Variants in ARHGEF1 observed in about 807,000 individuals in gnomAD.
ARHGEF1 encodes Rho guanine nucleotide exchange factor 1, also known as 115 kDa guanine nucleotide exchange factor.
In ARHGEF1, 40 loss-of-function variants were observed where a neutral mutation model predicts 119.7. The ratio of observed to expected loss-of-function variants is 0.33; its 90% CI spans 0.26 to 0.44. ARHGEF1 has a LOEUF of 0.44. Ranked by LOEUF, ARHGEF1 falls within the 20% of genes least tolerant of loss-of-function variation. The pLI, the probability that ARHGEF1 is intolerant of heterozygous loss-of-function variation, is 1.00. For synonymous variants in ARHGEF1, 494 were observed against 521.0 expected, an observed-to-expected ratio of 0.95 and a Z score of 0.71; for missense variants, 976 against 1,268.3, an observed-to-expected ratio of 0.77 and a Z score of 3.50.
rs1169499294 is a variant in ARHGEF1, at chr19:41,892,213, G to A, written c.324+90G>A. On this transcript the variant is annotated intron_variant, in intron 5 of 28. Transcript: ENST00000354532. The surrounding 1 kb of genome is among the most constrained non-coding windows in gnomAD (Gnocchi z 6.3). ...GTCCCCAGCCTCTGCCCTGAGGGCA[G>A]CTGCTGACCCAGGCCTTCCCCAGCA... 1.7e-5 allele frequency: 27 copies of A among 1,563,228 alleles called. No individual in the cohort carries two copies. The highest frequency in any genetic ancestry group is 2.4e-5 in the Non-Finnish European group (27 of 1,139,516).
At chr19:41,915,145 A>G in intron 18 of ARHGEF1, among the ~76,000 whole-genome samples, 1 of 14,212 alleles carries the variant, frequency 7.0e-5, no homozygotes, top group African/African-American at 3.2e-4. Context: ...CCCACCCCCT[A>G]TTGGCCCCTC....
At chr19:41,925,594 T>G (rs1555853186) in intron 1 of ARHGEF1, among the ~76,000 whole-genome samples, 1 of 151,746 alleles carries the variant, frequency 6.6e-6, no homozygotes. Flanking sequence ...GGGAAAGCCA[T>G]GAGGAGGGTA....
In ARHGEF1 at chr19:41,914,854, C is replaced by T. The variant is rs183644443; in HGVS notation, c.1865+8051C>T. 1.9e-3 allele frequency among the ~76,000 whole-genome samples: 29 copies of T among 14,892 alleles called. 10 individuals carry two copies. The highest frequency in any genetic ancestry group is 3.9e-3 in the African/African-American group (10 of 2,546). The allele number at this position is 14,892 out of a possible 152,430, so 9.8% of individuals were successfully genotyped here. On this transcript the variant is annotated intron_variant, in intron 18 of 20. Transcript: ENST00000599589. ...CCTTTCCACCGTCTCTGTCTCTCCC[C>T]CCCTCCACCATCTCTGTCTCTCCCT... is the stretch of plus-strand genomic sequence containing the variant.
Position 41,906,837 on chromosome 19 carries a change from C to A in ARHGEF1, c.*17+34C>A. On this transcript the variant is annotated intron_variant, in intron 28 of 28. Coordinates refer to ENST00000354532, the MANE Select transcript of ARHGEF1 (RefSeq NM_004706.4). The surrounding 1 kb of genome is among the most constrained non-coding windows in gnomAD (Gnocchi z 4.5). ...GGCACCTGGGGGCCAGGGCGCTGTC[C>A]TGAAAGGAGGGTCCCCCTCCAGAGC... is the stretch of plus-strand genomic sequence containing the variant. 1 of 1,527,798 alleles carries A rather than the reference C, an allele frequency of 6.5e-7. No individual in the cohort carries two copies. The highest frequency in any genetic ancestry group is 1.2e-5 in the South Asian group (1 of 82,368). The allele number at this position is 1,527,798 out of a possible 1,614,324, so 94.6% of individuals were successfully genotyped here.
At chr19:41,895,910 C>T (rs781862766) in intron 12 of ARHGEF1, among the ~76,000 whole-genome samples, 2 of 152,030 alleles carry the variant, frequency 1.3e-5, no homozygotes, top group Non-Finnish European at 2.9e-5. Flanking sequence ...TCTGCATGGC[C>T]AGGCCAGGGC....
At chr19:41,915,509 G>A (rs2074795525) in intron 18 of ARHGEF1, among the ~76,000 whole-genome samples, 1 of 151,560 alleles carries the variant, frequency 6.6e-6, no homozygotes, top group Admixed American at 6.6e-5. Flanking sequence ...CATGTCTCTG[G>A]GTCTCCACAT....
chr19:41,893,162 C>A, intron 7 of ARHGEF1, 112 bp from the exon 8 acceptor site: 1 of 1,436,834 alleles, frequency 7.0e-7, no homozygotes, highest in Non-Finnish European at 9.6e-7. Context: ...TGTCCCCTCT[C>A]TGTCTCTCTT....
At chr19:41,897,725 C>T in intron 13 of ARHGEF1, 1 of 461,300 alleles carries the variant, frequency 2.2e-6, no homozygotes, top group Non-Finnish European at 3.7e-6. Flanking sequence ...TGGTCTCTCC[C>T]TGTCTCTGTC....
At chr19:41,885,522 C>T (rs1161788799) in intron 1 of ARHGEF1, among the ~76,000 whole-genome samples, 2 of 152,296 alleles carry the variant, frequency 1.3e-5, no homozygotes, top group South Asian at 2.1e-4. Context: ...AGTGCAGTGG[C>T]GCGATCTCAG....
intron 1 of ARHGEF1, 133 bp from the exon 2 acceptor site, chr19:41,887,931 C>A: frequency 3.0e-6 from 3 of 1,016,308 alleles, no homozygotes; most frequent in Non-Finnish European, 2.8e-6. Flanking sequence ...CACACAGAGG[C>A]CCCATTGAGC....
At chr19:41,928,063 C>A (rs975483586) in intron 1 of ARHGEF1, 2 of 152,188 alleles carry the variant, frequency 1.3e-5, no homozygotes, top group Admixed American at 6.5e-5. Context: ...CGCATCCGCT[C>A]CGGTCCGGGG....
Position 41,902,186 on chromosome 19 carries a change from T to C in ARHGEF1, c.1415-88T>C. Reference sequence around the variant, plus strand: ...CCCGAGGATCAGACACAGACACACCTGCAGCCCTACCCCCACCACACCGCA... The same window carrying C: ...CCCGAGGATCAGACACAGACACACCCGCAGCCCTACCCCCACCACACCGCA... On this transcript the variant is annotated intron_variant, in intron 15 of 28. Transcript: ENST00000354532. This position sits in a 1 kb window ranked among gnomAD's most constrained non-coding sequence, Gnocchi z 6.5. 1 of 1,570,836 alleles carries C rather than the reference T, an allele frequency of 6.4e-7. No homozygotes were observed. The highest frequency in any genetic ancestry group is 8.7e-7 in the Non-Finnish European group (1 of 1,146,712).
chr19:41,892,256 G>A lies in ARHGEF1; in HGVS notation c.325-75G>A. ...CCCCAGCACCCTCGCTTAGACCAGG[G>A]TTCCTGGCAGTCCTCCCGGCCTGCA... On this transcript the variant is annotated intron_variant, in intron 5 of 28. Coordinates refer to ENST00000354532, the MANE Select transcript of ARHGEF1 (RefSeq NM_004706.4). The surrounding 1 kb of genome is among the most constrained non-coding windows in gnomAD (Gnocchi z 6.3). 4.4e-6 allele frequency: 7 copies of A among 1,598,932 alleles called. No homozygotes were observed. The highest frequency in any genetic ancestry group is 6.0e-6 in the Non-Finnish European group (7 of 1,169,036).
Position 41,902,433 on chromosome 19 carries a change from T to C in ARHGEF1, c.1497+77T>C. On this transcript the variant is annotated intron_variant, in intron 16 of 28. Coordinates refer to ENST00000354532, the MANE Select transcript of ARHGEF1 (RefSeq NM_004706.4). The surrounding 1 kb of genome is among the most constrained non-coding windows in gnomAD (Gnocchi z 6.5). ...CCCGGGACGGGTCCTGAGCCCACCCTACTCCAGTCCCAGGGTCTGGGCTTC... is the reference window on the plus strand; with the variant it reads ...CCCGGGACGGGTCCTGAGCCCACCCCACTCCAGTCCCAGGGTCTGGGCTTC... 1 of 1,611,518 alleles carries C rather than the reference T, an allele frequency of 6.2e-7. No individual in the cohort carries two copies. The highest frequency in any genetic ancestry group is 8.5e-7 in the Non-Finnish European group (1 of 1,178,748).
rs782288405 is a variant in ARHGEF1, at chr19:41,905,709, C to T, written c.2337-51C>T. The T allele has an allele frequency of 2.0e-5, 32 of 1,583,662 alleles. No homozygotes were observed. The highest frequency in any genetic ancestry group is 3.3e-4 in the Middle Eastern group (2 of 6,000). On this transcript the variant is annotated intron_variant, in intron 24 of 28. Coordinates refer to ENST00000354532, the MANE Select transcript of ARHGEF1 (RefSeq NM_004706.4). This position sits in a 1 kb window ranked among gnomAD's most constrained non-coding sequence, Gnocchi z 6.4. ...CCAGCTCTCTGTCTCCCTGCCCCTG[C>T]GGCCCCCCAGGGCCAGGGGTGTGGG...
At position 41,906,170 on chromosome 19, in the gene ARHGEF1, G is replaced by A; in HGVS notation, c.2491+145G>A. On this transcript the variant is annotated intron_variant, in intron 26 of 28. Transcript: ENST00000354532. The surrounding 1 kb of genome is among the most constrained non-coding windows in gnomAD (Gnocchi z 4.5). The stretch of plus-strand genomic sequence containing the variant: ...CCAAACCCACCCAGCCTGCACCACT[G>A]TCCTGGGTGCCCACGTCCCTCTTCT... 2.6e-6 allele frequency: 2 copies of A among 779,810 alleles called. No homozygotes were observed. The highest frequency in any genetic ancestry group is 2.1e-6 in the Non-Finnish European group (1 of 483,370). The allele number at this position is 779,810 out of a possible 1,614,324, so 48.3% of individuals were successfully genotyped here.
chr19:41,909,092 C>T (rs782023879), downstream of ARHGEF1: 865 of 1,231,686 alleles, frequency 7.0e-4, no homozygotes, highest in Non-Finnish European at 8.2e-4. The surrounding 1 kb of genome is among the most constrained non-coding windows in gnomAD (Gnocchi z 5.2). Context: ...GCTGTCCAGA[C>T]GCAATTTATC....
chr19:41,913,661 T>C (rs956810352), intron 18 of ARHGEF1, among the ~76,000 whole-genome samples: 4 of 147,480 alleles, frequency 2.7e-5, no homozygotes, highest in Non-Finnish European at 6.0e-5. Context: ...CAGACACCCC[T>C]TCCCCTCACA....
chr19:41,905,391 ATG>A lies in ARHGEF1; in HGVS notation c.2336+136_2336+137del, dbSNP rs1171283334. 1.7e-4 allele frequency: 138 copies of A among 803,696 alleles called. 1 individual carries two copies. The East Asian group carries it at 3.1e-3, about 18-fold the overall frequency. 49.8% of individuals were successfully genotyped at this position (803,696 alleles called of 1,614,324 possible). Reference sequence around the variant, plus strand: ...TGTGTGAATGCATGTGTGTGCATACATGTGTGTCTGTACGCAAGTATGTGACT... The same window carrying A: ...TGTGTGAATGCATGTGTGTGCATACATGTGTCTGTACGCAAGTATGTGACT... On this transcript the variant is annotated intron_variant, in intron 24 of 28. Transcript: ENST00000354532. The surrounding 1 kb of genome is among the most constrained non-coding windows in gnomAD (Gnocchi z 6.4).
Sources: gnomAD v4.1 joint callset for allele counts (sites outside exome capture counted in the v4.1 genomes callset) on GRCh38, gnomAD v4.1.1 for gene constraint, Gnocchi (gnomAD v3.1) non-coding constraint, MANE v1.5 for transcripts, NCBI Gene and HGNC (gene_info 2026-07-23, HGNC 2026-07-21) for gene names.